Variants in DUS2 observed in about 807,000 individuals in gnomAD.
DUS2 encodes the protein tRNA-dihydrouridine(20) synthase [NAD(P)+]-like.
DUS2 carries 52 observed loss-of-function variants against 71.3 expected under a neutral mutation model. The observed-to-expected ratio is 0.73, with a 90% CI of 0.58 to 0.92. The LOEUF (loss-of-function observed/expected upper bound fraction) is 0.92. Among genes scored for constraint, DUS2 ranks in the 40% least tolerant of loss-of-function variants. The pLI, the probability that DUS2 is intolerant of heterozygous loss-of-function variation, is 0.00. For synonymous variants in DUS2, 204 were observed against 227.8 expected (o/e 0.90, Z 0.94); for missense variants, 558 against 622.6 (o/e 0.90, Z 1.10).
intron 3 of DUS2, among the ~76,000 whole-genome samples, chr16:68,039,202 G>A (rs192203281): frequency 1.3e-5 from 2 of 152,130 alleles, no homozygotes; most frequent in African/African-American, 4.8e-5. Context: ...AGAAAAATAG[G>A]CAAATTAAAA....
intron 2 of DUS2, among the ~76,000 whole-genome samples, chr16:68,037,686 T>C (rs570365905): frequency 3.5e-4 from 53 of 152,108 alleles, no homozygotes; most frequent in Middle Eastern, 3.4e-3. Context: ...CCCAAAGTGT[T>C]GGGATTACAG....
At chr16:68,063,340 C>T (rs967522008) in intron 8 of DUS2, among the ~76,000 whole-genome samples, 22 of 152,134 alleles carry the variant, frequency 1.4e-4, no homozygotes, top group Non-Finnish European at 2.4e-4. Context: ...GAGAGCTTTG[C>T]GGGTCCTTCC....
At chr16:68,062,165 G>A (rs774628793) in intron 8 of DUS2, among the ~76,000 whole-genome samples, 15 of 151,904 alleles carry the variant, frequency 9.9e-5, no homozygotes, top group Non-Finnish European at 1.8e-4. Context: ...CGCCCACGAC[G>A]ACGCCTGGCT....
At position 68,075,620 on chromosome 16, in the gene DUS2, G is replaced by A; in HGVS notation, c.1082+116G>A. ...GTCAAACGTAGGGACCACAGGTCTT[G>A]TTGGTTTGGAAACTCGTTCTAAATT... On this transcript the variant is annotated intron_variant, in intron 14 of 16. Transcript: ENST00000565263. The A allele has an allele frequency of 3.6e-6, 4 of 1,114,870 alleles. No individual in the cohort carries two copies. The South Asian group carries it at 8.4e-5, about 23-fold the overall frequency. The allele number at this position is 1,114,870 out of a possible 1,614,324, so 69.1% of individuals were successfully genotyped here. A position where few individuals can be genotyped will look rare whatever the true frequency, so the allele number is the denominator to read the frequency against.
intron 8 of DUS2, among the ~76,000 whole-genome samples, chr16:68,065,596 A>T (rs941688485): frequency 6.6e-6 from 1 of 151,782 alleles, no homozygotes; most frequent in African/African-American, 2.4e-5. Flanking sequence ...GTGCCACTGC[A>T]CTCTAGCCTG....
At chr16:68,069,566 C>G (rs2034055623) in intron 10 of DUS2, among the ~76,000 whole-genome samples, 1 of 152,152 alleles carries the variant, frequency 6.6e-6, no homozygotes, top group Non-Finnish European at 1.5e-5. Flanking sequence ...AGGAGGGGCC[C>G]CAGGTTGTGG....
intron 3 of DUS2, among the ~76,000 whole-genome samples, chr16:68,039,520 A>G (rs1943673915): frequency 6.6e-6 from 1 of 151,766 alleles, no homozygotes; most frequent in African/African-American, 2.4e-5. Context: ...CCAGGTTCAC[A>G]CCATTCTTCT....
chr16:68,039,706 C>T (rs1412493361), intron 3 of DUS2, among the ~76,000 whole-genome samples: 4 of 151,670 alleles, frequency 2.6e-5, no homozygotes, highest in Admixed American at 2.6e-4. Context: ...CAGGTGTGAG[C>T]CACCGTGCCT....
chr16:68,051,836 G>GT (rs1298394946), intron 4 of DUS2, among the ~76,000 whole-genome samples: 3 of 152,140 alleles, frequency 2.0e-5, no homozygotes, highest in African/African-American at 7.2e-5. Flanking sequence ...TCCCATGACC[G>GT]TTTTCTTGTG....
rs1222921794 is a variant in DUS2 at position 68,038,038 on chromosome 16, CCTCT to C, written c.20_23del (p.Ser7CysfsTer7). ...CAGAGGAGGAAATGATTTTGAATAG[CCTCT>C]CTCTGTGTTACCATAATAAGCTAAT... On this transcript the variant is annotated frameshift_variant, in exon 3 of 17. Coordinates refer to ENST00000565263, the MANE Select transcript of DUS2 (RefSeq NM_017803.5). LOFTEE classifies it high-confidence loss of function. 5.0e-6 allele frequency: 8 copies of C among 1,613,422 alleles called. No individual in the cohort carries two copies. The highest frequency in any genetic ancestry group is 6.8e-6 in the Non-Finnish European group (8 of 1,179,724).
rs1177235000 is a variant in DUS2 at position 68,074,100 on chromosome 16, C to A, written c.877C>A (p.Leu293Met). ...YCLCQMLREQ[L>M]ESPQGRLLHA... ...CTTGTGCCAGATGCTACGAGAACAG[C>A]TGGAGTCGCCCCAGGGAAGGTTGCT... The change falls in exon 13 of 17, where the codon CTG becomes ATG. Residue 293 changes from leucine (L) to methionine (M), a missense_variant. Coordinates refer to ENST00000565263, the MANE Select transcript of DUS2 (RefSeq NM_017803.5). 6.2e-7 allele frequency: 1 copy of A among 1,614,186 alleles called. No homozygotes were observed. Among genetic ancestry groups the A allele is most frequent in the East Asian group, 2.2e-5 (1 of 44,876 alleles).
chr16:68,063,756 C>T (rs2033971146), intron 8 of DUS2, among the ~76,000 whole-genome samples: 1 of 152,056 alleles, frequency 6.6e-6, no homozygotes. Context: ...GGGAGTCTTG[C>T]TCTGCTGCCC....
intron 12 of DUS2, among the ~76,000 whole-genome samples, chr16:68,073,153 C>T (rs761312636): frequency 1.1e-4 from 17 of 152,258 alleles, no homozygotes; most frequent in Non-Finnish European, 1.6e-4. Context: ...TTCGAGACCT[C>T]AGTCAGGCTG....
chr16:68,056,700 G>A (rs1460352586), intron 7 of DUS2, among the ~76,000 whole-genome samples: 1 of 151,384 alleles, frequency 6.6e-6, no homozygotes. Flanking sequence ...ATATTTAGGA[G>A]TAAGGGGCTA....
chr16:68,073,318 G>A (rs2034113106), intron 12 of DUS2, among the ~76,000 whole-genome samples: 1 of 152,078 alleles, frequency 6.6e-6, no homozygotes, highest in African/African-American at 2.4e-5. Flanking sequence ...TGTTGCCCAG[G>A]CTGGAGTGCA....
chr16:68,062,535 C>T (rs945326323), intron 8 of DUS2, among the ~76,000 whole-genome samples: 10 of 151,402 alleles, frequency 6.6e-5, no homozygotes, highest in East Asian at 2.0e-4. Flanking sequence ...CTGGCTAACA[C>T]GGTGAAACCC....
intron 10 of DUS2, among the ~76,000 whole-genome samples, chr16:68,068,389 C>T (rs1421286950): frequency 6.6e-6 from 1 of 152,178 alleles, no homozygotes; most frequent in Non-Finnish European, 1.5e-5. Flanking sequence ...TGGATTCAGA[C>T]TCCCTGGTTT....
At chr16:68,072,602 C>T (rs3785106) in intron 12 of DUS2, among the ~76,000 whole-genome samples, 4 of 152,114 alleles carry the variant, frequency 2.6e-5, no homozygotes, top group African/African-American at 9.7e-5. Context: ...TGCCACCAGC[C>T]GGGGCGCCCC....
intron 8 of DUS2, among the ~76,000 whole-genome samples, chr16:68,063,884 G>A (rs566904894): frequency 5.3e-5 from 8 of 152,154 alleles, no homozygotes; most frequent in East Asian, 1.9e-4. Flanking sequence ...CACAACACCC[G>A]GCTAATTTTT....
Sources: gnomAD v4.1 joint callset for allele counts (sites outside exome capture counted in the v4.1 genomes callset) on GRCh38, gnomAD v4.1.1 for gene constraint, MANE v1.5 for transcripts, NCBI Gene and HGNC (gene_info 2026-07-23, HGNC 2026-07-21) for gene names.